ANKS6: variants seen among roughly 807,000 people sequenced by gnomAD.
ANKS6 encodes ankyrin repeat and sterile alpha motif domain containing 6, also known as ankyrin repeat and SAM domain-containing protein 6.
A neutral mutation model predicts 77.9 loss-of-function variants in ANKS6; 47 were observed. The ratio of observed to expected loss-of-function variants is 0.60; its 90% CI spans 0.48 to 0.77. ANKS6 has a LOEUF of 0.77. Among genes scored for constraint, ANKS6 ranks in the 30% least tolerant of loss-of-function variants. The pLI is 0.00. For synonymous variants in ANKS6, 488 were observed against 501.7 expected, an observed-to-expected ratio of 0.97 and a Z score of 0.37; for missense variants, 1,150 against 1,159.1, an observed-to-expected ratio of 0.99 and a Z score of 0.11.
Position 98,735,319 on chromosome 9 carries a change from G to A in ANKS6, c.*1200C>T. On this transcript the variant is annotated 3_prime_UTR_variant, in exon 15 of 15. Coordinates refer to ENST00000353234, the MANE Select transcript of ANKS6 (RefSeq NM_173551.5). The stretch of plus-strand genomic sequence containing the variant: ...TCTCTTGCCTGTCGAGAGCCTGAAG[G>A]CTCTGTATTGTGTCTGCACACTTGG... 1 of 1,014,568 alleles carries A rather than the reference G, an allele frequency of 9.9e-7. No homozygotes were observed. Among genetic ancestry groups the A allele is most frequent in the Non-Finnish European group, 1.2e-6 (1 of 849,862 alleles). The allele number at this position is 1,014,568 out of a possible 1,614,324, so 62.8% of individuals were successfully genotyped here.
In ANKS6 at chr9:98,734,710, T is replaced by C. The variant is rs1476652427; in HGVS notation, c.*1809A>G. 1 of 944,060 alleles carries C rather than the reference T, an allele frequency of 1.1e-6. No individual in the cohort carries two copies. The highest frequency in any genetic ancestry group is 1.3e-6 in the Non-Finnish European group (1 of 792,566). The allele number at this position is 944,060 out of a possible 1,614,324, so 58.5% of individuals were successfully genotyped here. A position where few individuals can be genotyped will look rare whatever the true frequency, so the allele number is the denominator to read the frequency against. Reference sequence around the variant, plus strand: ...CGTTTCCCGAATGTGCAAGATGAGGTTACACAATGCCACCTCCAGGGTGGC... The same window carrying C: ...CGTTTCCCGAATGTGCAAGATGAGGCTACACAATGCCACCTCCAGGGTGGC... On this transcript the variant is annotated 3_prime_UTR_variant, in exon 15 of 15. Transcript: ENST00000353234.
In ANKS6 at chr9:98,796,385, G is replaced by A; in HGVS notation, c.107C>T (p.Pro36Leu). The A allele has an allele frequency of 9.9e-7, 1 of 1,006,890 alleles. No homozygotes were observed. The highest frequency in any genetic ancestry group is 1.2e-6 in the Non-Finnish European group (1 of 846,242). 62.4% of individuals were successfully genotyped at this position (1,006,890 alleles called of 1,614,324 possible). The change falls in exon 1 of 15, where the codon CCA becomes CTA. Residue 36 changes from proline (P) to leucine (L), a missense_variant. By Grantham distance (98) the Pro-to-Leu change is moderately conservative (BLOSUM62 -3). Coordinates refer to ENST00000353234, the MANE Select transcript of ANKS6 (RefSeq NM_173551.5). ...RRLLEPGAAE[P>L]AERGAEPEAG... ...CTCCGGCTCCGCGCCGCGCTCGGCT[G>A]GCTCCGCCGCCCCCGGCTCCAGCAG... is the stretch of plus-strand genomic sequence containing the variant.
At chr9:98,747,662 C>T (rs1254100792) in intron 13 of ANKS6, among the ~76,000 whole-genome samples, 1 of 152,142 alleles carries the variant, frequency 6.6e-6, no homozygotes, top group Non-Finnish European at 1.5e-5. Context: ...TCCAGCGTGG[C>T]ACCATGGCCA....
intron 9 of ANKS6, 132 bp downstream of exon 9, chr9:98,773,745 A>C: frequency 1.5e-6 from 1 of 666,460 alleles, no homozygotes; most frequent in Non-Finnish European, 2.3e-6. Flanking sequence ...ACAAAAGGAT[A>C]TCATCCATTC....
rs759603393 is a variant in ANKS6, at chr9:98,736,615, C to G, written c.2520G>C (p.Glu840Asp). ...GAATGGTTTCCTGTAAAATTTGTCTCTCGCGTCCCTGTGGAGGAAATTGAA... is the reference window on the plus strand; with the variant it reads ...GAATGGTTTCCTGTAAAATTTGTCTGTCGCGTCCCTGTGGAGGAAATTGAA... ...ISELNAGKGR[E>D]RQILQETIHN... Residue 840 changes from glutamate (E) to aspartate (D), a missense_variant, in exon 15 of 15, where the codon GAG becomes GAC. Coordinates refer to ENST00000353234, the MANE Select transcript of ANKS6 (RefSeq NM_173551.5). The G allele has an allele frequency of 6.2e-7, 1 of 1,609,228 alleles. No homozygotes were observed. The highest frequency in any genetic ancestry group is 8.5e-7 in the Non-Finnish European group (1 of 1,177,574).
At chr9:98,751,650 G>A (rs978844975) in intron 12 of ANKS6, among the ~76,000 whole-genome samples, 1 of 152,146 alleles carries the variant, frequency 6.6e-6, no homozygotes, top group African/African-American at 2.4e-5. Context: ...ATGATTTGGG[G>A]TGTCAGAACA....
chr9:98,795,221 C>T (rs1420612257), intron 1 of ANKS6, among the ~76,000 whole-genome samples: 1 of 152,178 alleles, frequency 6.6e-6, no homozygotes, highest in African/African-American at 2.4e-5. Flanking sequence ...GCCACCATCA[C>T]CTCTCACTCA....
intron 9 of ANKS6, among the ~76,000 whole-genome samples, chr9:98,771,802 T>C (rs900103297): frequency 3.3e-5 from 5 of 151,922 alleles, no homozygotes; most frequent in South Asian, 2.1e-4. Flanking sequence ...TGGGCTCTGG[T>C]CTAGGGTGGG....
intron 12 of ANKS6, among the ~76,000 whole-genome samples, chr9:98,753,517 CA>C (rs1416793603): frequency 7.9e-5 from 12 of 151,980 alleles, no homozygotes; most frequent in Admixed American, 2.0e-4. Flanking sequence ...TATAAGACAA[CA>C]AATCAAGCCC....
At position 98,732,062 on chromosome 9, in the gene ANKS6, C is replaced by A. The variant is rs944443791; in HGVS notation, c.*4457G>T. ...AGGGAAAACATCAGGTCTCTTTACA[C>A]GTTGAACAGGAACTGCTGGTTAACA... On this transcript the variant is annotated 3_prime_UTR_variant, in exon 15 of 15. Coordinates refer to ENST00000353234, the MANE Select transcript of ANKS6 (RefSeq NM_173551.5). 5.2e-6 allele frequency: 1 copy of A among 190,652 alleles called. No homozygotes were observed. The highest frequency in any genetic ancestry group is 1.1e-4 in the South Asian group (1 of 9,048). 11.8% of individuals were successfully genotyped at this position (190,652 alleles called of 1,614,324 possible).
chr9:98,771,793 G>C (rs1217184527), intron 9 of ANKS6, among the ~76,000 whole-genome samples: 1 of 152,092 alleles, frequency 6.6e-6, no homozygotes, highest in African/African-American at 2.4e-5. Flanking sequence ...GGTATAATAT[G>C]GGCTCTGGTC....
chr9:98,782,666 T>A, intron 4 of ANKS6, 93 bp from the exon 5 acceptor site: 1 of 985,790 alleles, frequency 1.0e-6, no homozygotes, highest in Non-Finnish European at 1.6e-6. Context: ...AAGCTCAGTC[T>A]CTGAGCATTT....
At chr9:98,777,080 C>T (rs1413314748) in intron 8 of ANKS6, among the ~76,000 whole-genome samples, 1 of 152,236 alleles carries the variant, frequency 6.6e-6, no homozygotes, top group Non-Finnish European at 1.5e-5. Context: ...TGACTCCTCT[C>T]ACCCTGGTTC....
chr9:98,782,367 G>A (rs1039463790), intron 5 of ANKS6, 100 bp downstream of exon 5: 37 of 1,074,522 alleles, frequency 3.4e-5, no homozygotes, highest in Admixed American at 2.0e-4. Context: ...CCACGAATAA[G>A]CAAGTGCTTA....
In ANKS6 at chr9:98,784,891, A is replaced by G. The variant is rs1259250741; in HGVS notation, c.863-15T>C. ...TTTCTCCTCATCTGGGTAAACAAAG[A>G]TTTTTAAAGTTAACCACGGAAAGGT... is the stretch of plus-strand genomic sequence containing the variant. On this transcript the variant is annotated splice_polypyrimidine_tract_variant and intron_variant, in intron 2 of 14. Coordinates refer to ENST00000353234, the MANE Select transcript of ANKS6 (RefSeq NM_173551.5). 1 of 1,611,736 alleles carries G rather than the reference A, an allele frequency of 6.2e-7. No individual in the cohort carries two copies. The highest frequency in any genetic ancestry group is 1.3e-5 in the African/African-American group (1 of 74,900).
chr9:98,796,225 G>A lies in ANKS6; in HGVS notation c.267C>T (p.Gly89=). The A allele has an allele frequency of 7.1e-7, 1 of 1,407,298 alleles. No homozygotes were observed. The highest frequency in any genetic ancestry group is 9.3e-7 in the Non-Finnish European group (1 of 1,078,848). The allele number at this position is 1,407,298 out of a possible 1,614,324, so 87.2% of individuals were successfully genotyped here. A position where few individuals can be genotyped will look rare whatever the true frequency, so the allele number is the denominator to read the frequency against. The change falls in exon 1 of 15, where the codon GGC becomes GGT. Residue 89 remains glycine (G), a synonymous_variant. Coordinates refer to ENST00000353234, the MANE Select transcript of ANKS6 (RefSeq NM_173551.5). The part of the protein sequence containing the change: ...NTALQFAAAG[G]HEPLVRFLLR... ...GCAGGAAGCGCACCAGCGGTTCGTG[G>A]CCCCCGGCCGCGGCGAACTGCAGTG... is the stretch of plus-strand genomic sequence containing the variant.
chr9:98,784,400 A>C (rs932332753), intron 3 of ANKS6: 33 of 443,746 alleles, frequency 7.4e-5, no homozygotes, highest in Non-Finnish European at 1.2e-4. Context: ...AAGTGTTGTT[A>C]GTGTCTTCAG....
chr9:98,777,466 A>C lies in ANKS6; in HGVS notation c.1568-12T>G. ...TGTGCTCCCAGGACCTGAGAGACAAATGGAAATTTCCTGAAATGACCCCTC... is the reference window on the plus strand; with the variant it reads ...TGTGCTCCCAGGACCTGAGAGACAACTGGAAATTTCCTGAAATGACCCCTC... On this transcript the variant is annotated splice_polypyrimidine_tract_variant and intron_variant, in intron 7 of 14. Coordinates refer to ENST00000353234, the MANE Select transcript of ANKS6 (RefSeq NM_173551.5). 1 of 1,614,116 alleles carries C rather than the reference A, an allele frequency of 6.2e-7. No individual in the cohort carries two copies. The highest frequency in any genetic ancestry group is 8.5e-7 in the Non-Finnish European group (1 of 1,179,974).
At chr9:98,785,984 G>C (rs1834542557) in intron 2 of ANKS6, among the ~76,000 whole-genome samples, 1 of 152,130 alleles carries the variant, frequency 6.6e-6, no homozygotes, top group Non-Finnish European at 1.5e-5. Flanking sequence ...GTAAACCCCA[G>C]AATTCTTTTT....
Sources: gnomAD v4.1 joint callset for allele counts (sites outside exome capture counted in the v4.1 genomes callset) on GRCh38, gnomAD v4.1.1 for gene constraint, MANE v1.5 for transcripts, NCBI Gene and HGNC (gene_info 2026-07-23, HGNC 2026-07-21) for gene names.